Variants in HRG observed in about 807,000 individuals in gnomAD.
HRG encodes the protein histidine rich glycoprotein.
A neutral mutation model predicts 29.5 loss-of-function variants in HRG; 26 were observed. The ratio of observed to expected loss-of-function variants is 0.88; its 90% CI spans 0.65 to 1.22. The LOEUF (loss-of-function observed/expected upper bound fraction) is 1.22. Among genes scored for constraint, HRG ranks in the 50% most tolerant of loss-of-function variants. The probability of loss-of-function intolerance (pLI) is 0.00; values close to 1 mark genes in which losing one functional copy is unlikely to be tolerated. For missense variants in HRG, 671 were observed against 654.5 expected (o/e 1.03, Z -0.28); for synonymous variants, 243 against 240.4 (o/e 1.01, Z -0.10).
At position 186,669,073 on chromosome 3, in the gene HRG, A is replaced by G. The variant is rs180979343; in HGVS notation, c.300+22A>G. ...AATAGTAAGTAAAGAGGGCACCTTCACTCTGCTCTTTTCATTCTTATTTTC... is the reference window on the plus strand; with the variant it reads ...AATAGTAAGTAAAGAGGGCACCTTCGCTCTGCTCTTTTCATTCTTATTTTC... On this transcript the variant is annotated intron_variant, in intron 2 of 6. Transcript: ENST00000232003. 7 of 1,208,620 alleles carry G rather than the reference A, an allele frequency of 5.8e-6. No homozygotes were observed. The African/African-American group carries it at 1.0e-4, about 18-fold the overall frequency. 74.9% of individuals were successfully genotyped at this position (1,208,620 alleles called of 1,614,324 possible).
chr3:186,672,896 G>C, intron 5 of HRG, 29 bp downstream of exon 5: 1 of 1,395,124 alleles, frequency 7.2e-7, no homozygotes, highest in Non-Finnish European at 1.0e-6. Flanking sequence ...TGTGATCGTT[G>C]ACTAGAGTCA....
intron 6 of HRG, among the ~76,000 whole-genome samples, chr3:186,676,621 G>A (rs374361865): frequency 6.6e-6 from 1 of 151,350 alleles, no homozygotes; most frequent in East Asian, 1.9e-4. Context: ...TAGGAGTCTG[G>A]GCAACAGAGT....
chr3:186,676,402 A>G (rs1327452099), intron 6 of HRG, among the ~76,000 whole-genome samples: 2 of 152,120 alleles, frequency 1.3e-5, no homozygotes, highest in African/African-American at 4.8e-5. Context: ...AGTTTTTTAT[A>G]TCTAACATTT....
rs557786665 is a variant in HRG, at chr3:186,676,927, A to T, written c.742-120A>T. The T allele has an allele frequency of 2.1e-5, 24 of 1,160,462 alleles. No individual in the cohort carries two copies. The African/African-American group carries it at 2.9e-4, about 14-fold the overall frequency. The allele number at this position is 1,160,462 out of a possible 1,614,324, so 71.9% of individuals were successfully genotyped here. Reference sequence around the variant, plus strand: ...CAATTTGAGAATCTTTTTTCGTAATACTTTTTAAATTGATTTGTGGAATCT... The same window carrying T: ...CAATTTGAGAATCTTTTTTCGTAATTCTTTTTAAATTGATTTGTGGAATCT... On this transcript the variant is annotated intron_variant, in intron 6 of 6. Coordinates refer to ENST00000232003, the MANE Select transcript of HRG (RefSeq NM_000412.5).
chr3:186,673,134 G>A (rs560363308), intron 5 of HRG: 15 of 507,614 alleles, frequency 3.0e-5, no homozygotes, highest in East Asian at 7.5e-5. Flanking sequence ...ATGGAGTTTC[G>A]CTCTTGTTGC....
chr3:186,674,949 G>A (rs1440280016), intron 5 of HRG, 140 bp from the exon 6 acceptor site: 10 of 732,676 alleles, frequency 1.4e-5, no homozygotes, highest in African/African-American at 3.5e-5. Context: ...ATTGCTGAAC[G>A]ACTGGTGGGA....
chr3:186,675,296 T>TGAGA lies in HRG; in HGVS notation c.741+107_741+108insAGAG, dbSNP rs1231802917. ...AGCTCTATGAGTGGGTGTGTGTGTGTGTGTGTGTGTGTGAGAGAGAGAGAG... is the reference window on the plus strand; with the variant it reads ...AGCTCTATGAGTGGGTGTGTGTGTGTGAGAGTGTGTGTGTGTGAGAGAGAGAGAG... On this transcript the variant is annotated intron_variant, in intron 6 of 6. Transcript: ENST00000232003. The TGAGA allele has an allele frequency of 1.2e-3, 692 of 587,430 alleles. 11 individuals carry two copies. Among genetic ancestry groups the TGAGA allele is most frequent in the African/African-American group, 5.6e-3 (242 of 43,382 alleles). The allele number at this position is 587,430 out of a possible 1,614,324, so 36.4% of individuals were successfully genotyped here.
At chr3:186,675,248 C>A in intron 6 of HRG, 58 bp downstream of exon 6, 1 of 1,029,948 alleles carries the variant, frequency 9.7e-7, no homozygotes, top group Non-Finnish European at 1.5e-6. Flanking sequence ...CATACGTACA[C>A]AAATAGTGTT....
chr3:186,675,319 G>GAGAC (rs1718944547), intron 6 of HRG, 129 bp downstream of exon 6: 1 of 686,344 alleles, frequency 1.5e-6, no homozygotes, highest in Non-Finnish European at 2.7e-6. Context: ...GAGAGAGAGA[G>GAGAC]AGAGAGAGAG....
At chr3:186,672,907 C>A in intron 5 of HRG, 40 bp downstream of exon 5, 2 of 1,308,494 alleles carry the variant, frequency 1.5e-6, no homozygotes, top group Non-Finnish European at 2.2e-6. Flanking sequence ...ACTAGAGTCA[C>A]AGAGAAAAAA....
chr3:186,674,896 C>G, intron 5 of HRG, 193 bp from the exon 6 acceptor site: 1 of 617,582 alleles, frequency 1.6e-6, no homozygotes, highest in South Asian at 1.6e-5. Context: ...TTTAGTGATA[C>G]CCTTCACCAC....
In HRG at chr3:186,672,789, A is replaced by AGGAG. The variant is rs1718843797; in HGVS notation, c.564_567dup (p.Glu190ArgfsTer37). The AGGAG allele has an allele frequency of 6.2e-7, 1 of 1,603,430 alleles. No homozygotes were observed. On this transcript the variant is annotated frameshift_variant, in exon 5 of 7. Coordinates refer to ENST00000232003, the MANE Select transcript of HRG (RefSeq NM_000412.5). LOFTEE classifies it high-confidence loss of function. ...TATTTTGATCCCATCTGTTCTAGAG[A>AGGAG]GGAGGGGAAGGAACTGGTTACTTCG...
intron 3 of HRG, among the ~76,000 whole-genome samples, chr3:186,670,313 T>C (rs965512098): frequency 8.5e-5 from 13 of 152,164 alleles, no homozygotes; most frequent in Non-Finnish European, 1.5e-4. Flanking sequence ...ATTATAGATA[T>C]AGGCTTTGGA....
intron 4 of HRG, among the ~76,000 whole-genome samples, chr3:186,672,348 C>A (rs1290520749): frequency 5.9e-5 from 9 of 152,190 alleles, no homozygotes; most frequent in South Asian, 4.1e-4. Flanking sequence ...TGTTTGGACC[C>A]ATGCGCACTG....
At position 186,677,698 on chromosome 3, in the gene HRG, A is replaced by G. The variant is rs1248663917; in HGVS notation, c.1393A>G (p.Arg465Gly). 2.5e-6 allele frequency: 4 copies of G among 1,611,916 alleles called. No homozygotes were observed. In the East Asian group the frequency reaches 8.9e-5, roughly 36 times the overall value. Reference sequence around the variant, plus strand: ...ATCTGTGTACCGACTCCCTCCTCTAAGAAAAGGTGAGGTGCTGCCACTTCC... The same window carrying G: ...ATCTGTGTACCGACTCCCTCCTCTAGGAAAAGGTGAGGTGCTGCCACTTCC... ...IGSVYRLPPL[R>G]KGEVLPLPEA... Residue 465 changes from arginine (R) to glycine (G), a missense_variant, in exon 7 of 7, where the codon AGA becomes GGA. Physicochemically the swap from Arg to Gly is moderately radical, Grantham distance 125 (BLOSUM62 -2). Coordinates refer to ENST00000232003, the MANE Select transcript of HRG (RefSeq NM_000412.5).
chr3:186,666,260 G>C, intron 1 of HRG, 46 bp downstream of exon 1: 1 of 1,592,888 alleles, frequency 6.3e-7, no homozygotes, highest in Non-Finnish European at 8.6e-7. Flanking sequence ...ATTACTCACG[G>C]GGGCAAATGT....
At chr3:186,672,320 A>G (rs1036252618) in intron 4 of HRG, among the ~76,000 whole-genome samples, 2 of 152,260 alleles carry the variant, frequency 1.3e-5, no homozygotes, top group African/African-American at 4.8e-5. Flanking sequence ...AATGAGTACC[A>G]TGCAGTTGCT....
chr3:186,672,820 T>G lies in HRG; in HGVS notation c.592T>G (p.Phe198Val). Reference sequence around the variant, plus strand: ...GGAAGGAACTGGTTACTTCGTGGACTTCTCTGTGCGGAACTGCCCCAGACA... The same window carrying G: ...GGAAGGAACTGGTTACTTCGTGGACGTCTCTGTGCGGAACTGCCCCAGACA... ...GGEGTGYFVD[F>V]SVRNCPRHHF... The change falls in exon 5 of 7, where the codon TTC (phenylalanine) becomes GTC (valine). Residue 198 changes from phenylalanine to valine, a missense_variant. Physicochemically the swap from Phe to Val is conservative, Grantham distance 50. Transcript: ENST00000232003. 1 of 1,612,830 alleles carries G rather than the reference T, an allele frequency of 6.2e-7. No homozygotes were observed. The highest frequency in any genetic ancestry group is 8.5e-7 in the Non-Finnish European group (1 of 1,178,784).
chr3:186,675,279 G>C, intron 6 of HRG, 89 bp downstream of exon 6: 1 of 669,670 alleles, frequency 1.5e-6, no homozygotes. Context: ...AAAGCTCTAT[G>C]AGTGGGTGTG....
Sources: gnomAD v4.1 joint callset for allele counts (sites outside exome capture counted in the v4.1 genomes callset) on GRCh38, gnomAD v4.1.1 for gene constraint, MANE v1.5 for transcripts, NCBI Gene and HGNC (gene_info 2026-07-23, HGNC 2026-07-21) for gene names.